Variants in NIPBL observed in about 807,000 individuals in gnomAD.
NIPBL encodes NIPBL cohesin loading factor, also known as nipped-B-like protein.
Under a neutral mutation model 321.8 loss-of-function variants are expected in NIPBL, and 19 were observed. The observed-to-expected ratio is 0.06, with a 90% confidence interval of 0.04 to 0.09. The LOEUF is 0.09. Ranked by LOEUF, NIPBL falls within the 10% of genes least tolerant of loss-of-function variation. NIPBL has a pLI of 1.00. For synonymous variants in NIPBL, 1,106 were observed against 1,114.1 expected (o/e 0.99, Z 0.14); for missense variants, 2,210 against 3,327.0 (o/e 0.66, Z 8.26).
chr5:37,014,393 T>C (rs1028443078), intron 21 of NIPBL, among the ~76,000 whole-genome samples: 2 of 152,304 alleles, frequency 1.3e-5, no homozygotes, highest in Non-Finnish European at 2.9e-5. Context: ...TCCATTTCTT[T>C]CTGTTCTGAC....
At chr5:37,009,628 A>T (rs1055850825) in intron 20 of NIPBL, among the ~76,000 whole-genome samples, 1 of 152,238 alleles carries the variant, frequency 6.6e-6, no homozygotes, top group African/African-American at 2.4e-5. Context: ...AGAACAAAAG[A>T]TGTGGAAATT....
At chr5:36,936,287 A>C (rs964426070) in intron 1 of NIPBL, among the ~76,000 whole-genome samples, 1 of 152,174 alleles carries the variant, frequency 6.6e-6, no homozygotes, top group Non-Finnish European at 1.5e-5. Context: ...ATATGATGAC[A>C]TTTGGTCAAC....
intron 32 of NIPBL, among the ~76,000 whole-genome samples, chr5:37,029,507 T>C (rs1032835921): frequency 2.6e-5 from 4 of 152,314 alleles, no homozygotes; most frequent in African/African-American, 4.8e-5. Context: ...TGGGGTGTTA[T>C]GAATAATGCT....
chr5:36,991,933 TGTTA>T lies in NIPBL; in HGVS notation c.3122-3684_3122-3681del, dbSNP rs971011044. ...GTTTTAAAAAGAAAACAGAACACAT[TGTTA>T]GTTATCAAATCAATGATTCTTTTAA... On this transcript the variant is annotated intron_variant, in intron 10 of 46. Transcript: ENST00000282516. Among the ~76,000 whole-genome samples, 8 of 152,274 alleles carry T rather than the reference TGTTA, an allele frequency of 5.3e-5. No individual in the cohort carries two copies. The South Asian group carries it at 8.3e-4, about 16-fold the overall frequency.
chr5:37,062,350 CT>C, intron 45 of NIPBL, among the ~76,000 whole-genome samples: 1 of 152,012 alleles, frequency 6.6e-6, no homozygotes, highest in South Asian at 2.1e-4. Flanking sequence ...AATATTATTA[CT>C]TTTTCGTATG....
intron 1 of NIPBL, among the ~76,000 whole-genome samples, chr5:36,907,403 C>CA (rs1173237919): frequency 6.6e-6 from 1 of 151,298 alleles, no homozygotes; most frequent in Non-Finnish European, 1.5e-5. Context: ...TTCAGATAAG[C>CA]AAAAAGAAGA....
intron 3 of NIPBL, among the ~76,000 whole-genome samples, chr5:36,955,993 AG>A (rs1740893619): frequency 6.6e-6 from 1 of 151,412 alleles, no homozygotes; most frequent in Admixed American, 6.6e-5. Context: ...AGGCCGAGGC[AG>A]GTGGATCACG....
chr5:36,953,741 G>C lies in NIPBL; in HGVS notation c.45G>C (p.Gly15=), dbSNP rs757439561. 5.6e-6 allele frequency: 9 copies of C among 1,613,522 alleles called. No homozygotes were observed. In the Admixed American group the frequency reaches 1.2e-4, roughly 21 times the overall value. The change falls in exon 2 of 47, where the codon GGG becomes GGC. Residue 15 remains glycine, a synonymous_variant. Transcript: ENST00000282516. ...ATGTCCCCATTACTACTCTTGCGGG[G>C]ATTGCTAGTCTCACAGACCGTAAGT... ...MPHVPITTLA[G]IASLTDLLNQ...
rs1561160467 is a variant in NIPBL, at chr5:37,014,667, C to CT, written c.4561-9dup. The CT allele has an allele frequency of 2.6e-6, 4 of 1,544,342 alleles. No individual in the cohort carries two copies. Among genetic ancestry groups the CT allele is most frequent in the South Asian group, 1.1e-5 (1 of 89,284 alleles). ...TATTTCTTGTATCTTTATAAACTCA[C>CT]TTTTTTTCATTCTAGATTGACCAGG... On this transcript the variant is annotated splice_polypyrimidine_tract_variant and intron_variant, in intron 21 of 46. Coordinates refer to ENST00000282516, the MANE Select transcript of NIPBL (RefSeq NM_133433.4).
intron 1 of NIPBL, among the ~76,000 whole-genome samples, chr5:36,932,405 T>G (rs767263979): frequency 1.6e-4 from 24 of 152,218 alleles, no homozygotes; most frequent in Non-Finnish European, 2.8e-4. Context: ...CGTTATATCT[T>G]CCTTATGTAC....
At chr5:37,045,380 A>T in intron 36 of NIPBL, 63 bp from the exon 37 acceptor site, 1 of 1,288,694 alleles carries the variant, frequency 7.8e-7, no homozygotes, top group Non-Finnish European at 1.1e-6. Flanking sequence ...CATTAGTAGT[A>T]ATTACTTGAA....
intron 1 of NIPBL, among the ~76,000 whole-genome samples, chr5:36,877,754 C>T (rs1745205481): frequency 6.6e-6 from 1 of 152,208 alleles, no homozygotes; most frequent in African/African-American, 2.4e-5. Flanking sequence ...AATTCTTTCT[C>T]TTTCTAAAAC....
chr5:36,985,786 A>G lies in NIPBL; in HGVS notation c.2606A>G (p.Lys869Arg), dbSNP rs200189574. The change falls in exon 10 of 47, where the codon AAA (lysine) becomes AGA (arginine). Residue 869 changes from lysine to arginine, a missense_variant. By Grantham distance (26) the Lys-to-Arg change is conservative (BLOSUM62 2). Coordinates refer to ENST00000282516, the MANE Select transcript of NIPBL (RefSeq NM_133433.4). Reference sequence around the variant, plus strand: ...TCAAAAACTGATAAACTAGAACGAAAACACAGGCATGAATCAGGGGACTCA... The same window carrying G: ...TCAAAAACTGATAAACTAGAACGAAGACACAGGCATGAATCAGGGGACTCA... ...DSSKTDKLER[K>R]HRHESGDSRE... is the part of the protein sequence containing the mutation. The G allele has an allele frequency of 3.1e-6, 5 of 1,613,956 alleles. No individual in the cohort carries two copies. Among genetic ancestry groups the G allele is most frequent in the Non-Finnish European group, 4.2e-6 (5 of 1,179,960 alleles).
intron 1 of NIPBL, among the ~76,000 whole-genome samples, chr5:36,919,771 T>C (rs1456456393): frequency 2.6e-5 from 4 of 152,178 alleles, no homozygotes; most frequent in African/African-American, 9.7e-5. Flanking sequence ...ACCTCTGATA[T>C]TGAACATAGA....
intron 33 of NIPBL, among the ~76,000 whole-genome samples, chr5:37,037,392 A>AAT (rs377464793): frequency 0.011 from 1,536 of 145,712 alleles, 27 homozygotes; most frequent in East Asian, 0.049. Context: ...CGTCTCAAAA[A>AAT]ATATATATAT....
chr5:37,035,659 A>G (rs1255726802), intron 32 of NIPBL, among the ~76,000 whole-genome samples: 1 of 152,266 alleles, frequency 6.6e-6, no homozygotes, highest in Non-Finnish European at 1.5e-5. Context: ...CAGCAAAGAT[A>G]TAGAATATTT....
chr5:36,876,853 G>T lies in NIPBL; in HGVS notation c.-405G>T, dbSNP rs1424999086. On this transcript the variant is annotated 5_prime_UTR_variant, in exon 1 of 47. Coordinates refer to ENST00000282516, the MANE Select transcript of NIPBL (RefSeq NM_133433.4). The stretch of plus-strand genomic sequence containing the variant: ...CCGCCCTCCCCCCCCTCCCTCCGTC[G>T]GTACCGACTCACCCGACACCACCAA... The T allele has an allele frequency of 1.2e-5, 1 of 85,838 alleles. No homozygotes were observed. The highest frequency in any genetic ancestry group is 6.7e-5 in the African/African-American group (1 of 14,972). The allele number at this position is 85,838 out of a possible 1,614,324, so 5.3% of individuals were successfully genotyped here.
chr5:36,898,733 A>T (rs1385920688), intron 1 of NIPBL, among the ~76,000 whole-genome samples: 1 of 151,842 alleles, frequency 6.6e-6, no homozygotes, highest in Non-Finnish European at 1.5e-5. Context: ...CTGGTCTCGA[A>T]CTCCCGACCT....
chr5:36,999,193 G>A (rs2365838), intron 11 of NIPBL, among the ~76,000 whole-genome samples: 18,300 of 152,158 alleles, frequency 0.12, 1,187 homozygotes, highest in Admixed American at 0.19. Context: ...TGGGCCAGAG[G>A]TTGGCATCCT....
Sources: allele counts gnomAD v4.1 joint callset (sites outside exome capture counted in the v4.1 genomes callset), GRCh38; gene constraint gnomAD v4.1.1; transcripts MANE v1.5; gene names NCBI Gene and HGNC (gene_info 2026-07-23, HGNC 2026-07-21).